VAC14: variants seen among roughly 807,000 people sequenced by gnomAD.
VAC14 encodes protein VAC14 homolog.
A neutral mutation model predicts 85.3 loss-of-function variants in VAC14; 47 were observed. The observed-to-expected ratio is 0.55, with a 90% CI of 0.44 to 0.70. The LOEUF (loss-of-function observed/expected upper bound fraction) is 0.70. Among genes scored for constraint, VAC14 ranks in the 30% least tolerant of loss-of-function variants. The pLI is 0.00. For missense variants in VAC14, 861 were observed against 1,004.3 expected (o/e 0.86, Z 1.93); for synonymous variants, 447 against 430.5 (o/e 1.04, Z -0.47).
intron 14 of VAC14, among the ~76,000 whole-genome samples, chr16:70,730,198 A>C (rs2054549281): frequency 6.6e-6 from 1 of 151,886 alleles, no homozygotes; most frequent in Admixed American, 6.6e-5. Flanking sequence ...AAGCTGCCAC[A>C]GTCTCTGCTT....
chr16:70,711,946 CAG>C (rs2054043588), intron 14 of VAC14, among the ~76,000 whole-genome samples: 1 of 152,150 alleles, frequency 6.6e-6, no homozygotes, highest in Admixed American at 6.5e-5. Context: ...GTAAAAAGAT[CAG>C]AGTCTCAAAG....
chr16:70,698,887 C>T, intron 14 of VAC14, 76 bp from the exon 15 acceptor site: 2 of 1,366,242 alleles, frequency 1.5e-6, no homozygotes, highest in Non-Finnish European at 2.0e-6. Flanking sequence ...GAGGCCTCCT[C>T]TTGGTTTTGC....
intron 1 of VAC14, among the ~76,000 whole-genome samples, chr16:70,789,515 G>A (rs1416714865): frequency 6.6e-6 from 1 of 152,206 alleles, no homozygotes; most frequent in Non-Finnish European, 1.5e-5. Flanking sequence ...GGGCATTGGT[G>A]GTTCAGTGGT....
intron 12 of VAC14, among the ~76,000 whole-genome samples, chr16:70,752,898 C>G (rs1175539931): frequency 6.6e-6 from 1 of 152,108 alleles, no homozygotes; most frequent in Admixed American, 6.5e-5. Context: ...CACAGAACTC[C>G]CAGCTAACAG....
chr16:70,688,470 AG>A, intron 18 of VAC14: 8 of 994,284 alleles, frequency 8.0e-6, no homozygotes, highest in Non-Finnish European at 9.6e-6. Flanking sequence ...TCTGGGGAGA[AG>A]GGGGAGGTGG....
intron 16 of VAC14, 52 bp downstream of exon 16, chr16:70,697,087 C>T (rs1423405420): frequency 6.7e-7 from 1 of 1,481,582 alleles, no homozygotes; most frequent in Non-Finnish European, 9.4e-7. Flanking sequence ...GGCAGCCGGC[C>T]CCTTCCTGCC....
Position 70,783,198 on chromosome 16 carries a change from C to T in VAC14, c.705-59G>A. The T allele has an allele frequency of 3.2e-6, 5 of 1,544,900 alleles. No homozygotes were observed. In the South Asian group the frequency reaches 4.7e-5, roughly 14 times the overall value. Reference sequence around the variant, plus strand: ...GGGTCAGCCAGGGCTGGAGGAGCCTCAAACCAGCCCCATTTCCGTGCTGGG... The same window carrying T: ...GGGTCAGCCAGGGCTGGAGGAGCCTTAAACCAGCCCCATTTCCGTGCTGGG... On this transcript the variant is annotated intron_variant, in intron 6 of 18. Coordinates refer to ENST00000261776, the MANE Select transcript of VAC14 (RefSeq NM_018052.5).
At chr16:70,749,383 G>A (rs1185719833) in intron 12 of VAC14, among the ~76,000 whole-genome samples, 2 of 152,214 alleles carry the variant, frequency 1.3e-5, no homozygotes, top group Non-Finnish European at 2.9e-5. Context: ...AACACCAAAT[G>A]GCAAATGAAT....
chr16:70,799,764 C>T (rs1429423980), intron 1 of VAC14, among the ~76,000 whole-genome samples: 2 of 152,154 alleles, frequency 1.3e-5, no homozygotes, highest in African/African-American at 4.8e-5. Flanking sequence ...ATGAATGTCA[C>T]ACCACGGAAT....
chr16:70,739,847 G>A (rs557527249), intron 13 of VAC14, among the ~76,000 whole-genome samples: 8 of 152,238 alleles, frequency 5.3e-5, no homozygotes, highest in Admixed American at 2.0e-4. Flanking sequence ...CACTGTCCTG[G>A]GCTACAAGGA....
At position 70,743,145 on chromosome 16, in the gene VAC14, C is replaced by G. The variant is rs528008240; in HGVS notation, c.1528+1278G>C. On this transcript the variant is annotated intron_variant, in intron 13 of 18. Coordinates refer to ENST00000261776, the MANE Select transcript of VAC14 (RefSeq NM_018052.5). ...GCTAAAGGATTGTAAACACACCAATCAGCACTCTGTAAAAACGCACCAATC... is the reference window on the plus strand; with the variant it reads ...GCTAAAGGATTGTAAACACACCAATGAGCACTCTGTAAAAACGCACCAATC... Among the ~76,000 whole-genome samples the G allele has an allele frequency of 9.2e-5, 14 of 152,252 alleles. No homozygotes were observed. In the East Asian group the frequency reaches 2.7e-3, roughly 29 times the overall value.
intron 14 of VAC14, chr16:70,717,010 C>T (rs1033624784): frequency 6.6e-6 from 1 of 152,278 alleles, no homozygotes; most frequent in African/African-American, 2.4e-5. Flanking sequence ...GTAGGGCCTA[C>T]TTCACACTCC....
At chr16:70,778,126 T>C (rs2033613739) in intron 9 of VAC14, among the ~76,000 whole-genome samples, 1 of 152,208 alleles carries the variant, frequency 6.6e-6, no homozygotes, top group African/African-American at 2.4e-5. Flanking sequence ...GAGGCATGAA[T>C]GTATCCTGGT....
At chr16:70,749,930 G>A (rs1461405338) in intron 12 of VAC14, among the ~76,000 whole-genome samples, 1 of 152,258 alleles carries the variant, frequency 6.6e-6, no homozygotes, top group Non-Finnish European at 1.5e-5. Context: ...ACCTCAACAG[G>A]GGGCCTGGGT....
At chr16:70,746,153 C>T (rs572215558) in intron 12 of VAC14, among the ~76,000 whole-genome samples, 1 of 152,220 alleles carries the variant, frequency 6.6e-6, no homozygotes, top group Non-Finnish European at 1.5e-5. Context: ...GCCCAATTGT[C>T]ACTTCTCCTC....
intron 9 of VAC14, among the ~76,000 whole-genome samples, chr16:70,774,839 G>A (rs1425822097): frequency 8.2e-5 from 12 of 145,718 alleles, no homozygotes; most frequent in Admixed American, 6.3e-4. Context: ...TCCGCCTCCC[G>A]GGTTCAAATG....
intron 12 of VAC14, among the ~76,000 whole-genome samples, chr16:70,753,782 T>C (rs1399081568): frequency 6.6e-6 from 1 of 152,184 alleles, no homozygotes; most frequent in African/African-American, 2.4e-5. Context: ...TAGATGGCTC[T>C]GCTGTGTGGC....
At chr16:70,746,538 C>A (rs13336094) in intron 12 of VAC14, among the ~76,000 whole-genome samples, 1 of 152,164 alleles carries the variant, frequency 6.6e-6, no homozygotes, top group Non-Finnish European at 1.5e-5. Flanking sequence ...CCACACAGCC[C>A]AGTCATATGG....
intron 12 of VAC14, among the ~76,000 whole-genome samples, chr16:70,759,362 C>T (rs2032127779): frequency 6.6e-6 from 1 of 152,230 alleles, no homozygotes; most frequent in Admixed American, 6.5e-5. Context: ...CATGGTGGCT[C>T]ATGCCTGTAA....
Sources: gnomAD v4.1 joint callset for allele counts (sites outside exome capture counted in the v4.1 genomes callset) on GRCh38, gnomAD v4.1.1 for gene constraint, MANE v1.5 for transcripts, NCBI Gene and HGNC (gene_info 2026-07-23, HGNC 2026-07-21) for gene names.